Variants in MYRIP observed in about 807,000 individuals in gnomAD.
MYRIP encodes myosin VIIA and Rab interacting protein.
In MYRIP, 49 loss-of-function variants were observed where a neutral mutation model predicts 98.0. That is an observed-to-expected ratio of 0.50 (90% CI 0.40 to 0.63). The LOEUF (loss-of-function observed/expected upper bound fraction) is 0.63. Among genes scored for constraint, MYRIP ranks in the 30% least tolerant of loss-of-function variants. The probability of loss-of-function intolerance (pLI) is 0.00; values close to 1 mark genes in which losing one functional copy is unlikely to be tolerated. For missense variants in MYRIP, 1,004 were observed against 1,058.2 expected (o/e 0.95, Z 0.71); for synonymous variants, 404 against 409.5 (o/e 0.99, Z 0.16).
At chr3:40,125,239 G>A (rs1030603099) in intron 3 of MYRIP, among the ~76,000 whole-genome samples, 2 of 152,170 alleles carry the variant, frequency 1.3e-5, no homozygotes, top group Non-Finnish European at 2.9e-5. Context: ...GATATATAAA[G>A]GAGTTTATTA....
rs557048387 is a variant in MYRIP, at chr3:40,166,398, A to G, written c.551-448A>G. ...TAGGATACAACAATGAATATGATCA[A>G]TTCTTGCTCTGTGAAAATGACCTGT... On this transcript the variant is annotated intron_variant, in intron 5 of 16. Transcript: ENST00000302541. Among the ~76,000 whole-genome samples the G allele has an allele frequency of 3.3e-5, 5 of 152,312 alleles. No homozygotes were observed. In the East Asian group the frequency reaches 5.8e-4, roughly 18 times the overall value.
chr3:40,110,632 G>A (rs114209773), intron 3 of MYRIP, among the ~76,000 whole-genome samples: 145 of 152,164 alleles, frequency 9.5e-4, no homozygotes, highest in African/African-American at 3.3e-3. Flanking sequence ...TACCAACCAC[G>A]GGAGGCCTGG....
chr3:39,931,848 G>T (rs1003752808), intron 2 of MYRIP, among the ~76,000 whole-genome samples: 1 of 152,068 alleles, frequency 6.6e-6, no homozygotes. Flanking sequence ...TGCATTCCTT[G>T]AATAAATCCT....
chr3:39,911,203 G>A (rs911676948), intron 2 of MYRIP, among the ~76,000 whole-genome samples: 2 of 152,140 alleles, frequency 1.3e-5, no homozygotes, highest in Non-Finnish European at 2.9e-5. Flanking sequence ...CATCTTTGGC[G>A]CCGTAAAGTT....
chr3:40,016,405 T>C (rs902315191), intron 2 of MYRIP, among the ~76,000 whole-genome samples: 3 of 152,186 alleles, frequency 2.0e-5, no homozygotes, highest in African/African-American at 7.2e-5. Flanking sequence ...AAACAGGATC[T>C]GCCTCCTTCA....
chr3:39,873,856 T>C (rs1575328198), intron 1 of MYRIP, among the ~76,000 whole-genome samples: 1 of 152,096 alleles, frequency 6.6e-6, no homozygotes, highest in South Asian at 2.1e-4. Flanking sequence ...TTTAAAGTAG[T>C]TTTTTCTAAT....
At chr3:40,245,975 T>C in intron 13 of MYRIP, among the ~76,000 whole-genome samples, 1 of 147,710 alleles carries the variant, frequency 6.8e-6, no homozygotes, top group Non-Finnish European at 1.5e-5. Flanking sequence ...TTGGCCAGAC[T>C]GGTCTCGAAC....
chr3:39,895,495 C>T lies in MYRIP; in HGVS notation c.-30-5292C>T, dbSNP rs188035358. ...AGCCACTGTGCCCGGCCAATTGTTG[C>T]TTGCCTTTTAATTTTATCCATATAT... On this transcript the variant is annotated intron_variant, in intron 1 of 16. Coordinates refer to ENST00000302541, the MANE Select transcript of MYRIP (RefSeq NM_015460.4). Among the ~76,000 whole-genome samples the T allele has an allele frequency of 1.5e-4, 22 of 150,642 alleles. No homozygotes were observed. In the South Asian group the frequency reaches 2.7e-3, roughly 19 times the overall value.
chr3:40,152,435 A>G (rs1950142300), intron 4 of MYRIP, among the ~76,000 whole-genome samples: 1 of 152,070 alleles, frequency 6.6e-6, no homozygotes, highest in African/African-American at 2.4e-5. Flanking sequence ...CATGTGGAAA[A>G]CCCTGTAGAA....
At chr3:40,005,846 T>C (rs1421077143) in intron 2 of MYRIP, among the ~76,000 whole-genome samples, 1 of 152,222 alleles carries the variant, frequency 6.6e-6, no homozygotes, top group African/African-American at 2.4e-5. Flanking sequence ...ATATGCAAGA[T>C]ATATAATGCA....
intron 13 of MYRIP, 112 bp from the exon 14 acceptor site, chr3:40,250,110 G>A: frequency 1.3e-6 from 1 of 794,402 alleles, no homozygotes. Flanking sequence ...ATGAATGAAT[G>A]AATGAGCATA....
intron 3 of MYRIP, among the ~76,000 whole-genome samples, chr3:40,137,442 T>C (rs1161350358): frequency 6.6e-6 from 1 of 152,146 alleles, no homozygotes; most frequent in South Asian, 2.1e-4. Flanking sequence ...CACAGCCAAA[T>C]TCTACCAGAG....
rs1262795552 is a variant in MYRIP at position 40,088,085 on chromosome 3, G to A, written c.332+43814G>A. On this transcript the variant is annotated intron_variant, in intron 3 of 16. Coordinates refer to ENST00000302541, the MANE Select transcript of MYRIP (RefSeq NM_015460.4). The stretch of plus-strand genomic sequence containing the variant: ...CCATGAAGAACAAGACCCAGGCCAA[G>A]GGCTGGTTGACCTGGGAGCCAATAA... Among the ~76,000 whole-genome samples, 6 of 152,162 alleles carry A rather than the reference G, an allele frequency of 3.9e-5. No individual in the cohort carries two copies. In the South Asian group the frequency reaches 8.3e-4, roughly 21 times the overall value.
chr3:39,911,931 G>A (rs967052270), intron 2 of MYRIP, among the ~76,000 whole-genome samples: 62 of 152,198 alleles, frequency 4.1e-4, no homozygotes, highest in Non-Finnish European at 8.1e-4. Context: ...GATACCTGCA[G>A]AAGGAAATTC....
chr3:39,886,127 C>G (rs1309585731), intron 1 of MYRIP, among the ~76,000 whole-genome samples: 10 of 151,652 alleles, frequency 6.6e-5, no homozygotes, highest in African/African-American at 1.9e-4. Context: ...ACTTTACAGA[C>G]AAGCAAATGC....
intron 2 of MYRIP, among the ~76,000 whole-genome samples, chr3:40,024,797 C>A (rs1947085557): frequency 6.6e-6 from 1 of 152,162 alleles, no homozygotes; most frequent in South Asian, 2.1e-4. Flanking sequence ...TGATTTCACT[C>A]TCTGGCTATT....
intron 3 of MYRIP, among the ~76,000 whole-genome samples, chr3:40,107,189 G>A (rs1470856897): frequency 2.0e-5 from 3 of 152,190 alleles, no homozygotes; most frequent in Non-Finnish European, 4.4e-5. Context: ...AATACCTGCT[G>A]GGGACCAGGC....
At position 40,251,921 on chromosome 3, in the gene MYRIP, A is replaced by G; in HGVS notation, c.2469A>G (p.Thr823=). Residue 823 remains threonine (T), a synonymous_variant, in exon 16 of 17, where the codon ACA becomes ACG. Transcript: ENST00000302541. ...IETSSVTTIK[T]FNHNFILQGS... Reference sequence around the variant, plus strand: ...CATCTTCAGTGACTACCATTAAAACATTTAACCACAACTTCATTCTCCAAG... The same window carrying G: ...CATCTTCAGTGACTACCATTAAAACGTTTAACCACAACTTCATTCTCCAAG... 1.9e-6 allele frequency: 3 copies of G among 1,613,906 alleles called. No homozygotes were observed. Among genetic ancestry groups the G allele is most frequent in the Non-Finnish European group, 2.5e-6 (3 of 1,179,814 alleles).
chr3:40,036,350 T>G (rs1034320156), intron 2 of MYRIP, among the ~76,000 whole-genome samples: 1 of 146,728 alleles, frequency 6.8e-6, no homozygotes, highest in African/African-American at 2.5e-5. Context: ...GCTGTCAACT[T>G]GGAATTCTGC....
Sources: gnomAD v4.1 joint callset for allele counts (sites outside exome capture counted in the v4.1 genomes callset) on GRCh38, gnomAD v4.1.1 for gene constraint, MANE v1.5 for transcripts, NCBI Gene and HGNC (gene_info 2026-07-23, HGNC 2026-07-21) for gene names.